Variants in TUT7 observed in about 807,000 individuals in gnomAD.
The protein encoded by TUT7 is terminal uridylyl transferase 7.
Under a neutral mutation model 165.9 loss-of-function variants are expected in TUT7, and 33 were observed. That is an observed-to-expected ratio of 0.20 (90% CI 0.15 to 0.27). The LOEUF is 0.27. Among genes scored for constraint, TUT7 ranks in the 10% least tolerant of loss-of-function variants. The probability of loss-of-function intolerance (pLI) is 1.00; values close to 1 mark genes in which losing one functional copy is unlikely to be tolerated. For synonymous variants in TUT7, 552 were observed against 608.1 expected (o/e 0.91, Z 1.36); for missense variants, 1,338 against 1,762.3 (o/e 0.76, Z 4.31).
At chr9:86,288,825 T>A in intron 26 of TUT7, 81 bp from the exon 27 acceptor site, 2 of 1,124,400 alleles carry the variant, frequency 1.8e-6, no homozygotes, top group African/African-American at 1.6e-5. Context: ...TTACTTCTTA[T>A]TAAGTAGTCA....
intron 10 of TUT7, among the ~76,000 whole-genome samples, chr9:86,334,694 G>A (rs2131525697): frequency 6.6e-6 from 1 of 152,262 alleles, no homozygotes; most frequent in Admixed American, 6.5e-5. Context: ...TGGTTCAGGA[G>A]TTGGGCAGAG....
At position 86,322,934 on chromosome 9, in the gene TUT7, G is replaced by A; in HGVS notation, c.2816C>T (p.Ser939Leu). The A allele has an allele frequency of 6.4e-7, 1 of 1,564,070 alleles. No homozygotes were observed. Among genetic ancestry groups the A allele is most frequent in the Non-Finnish European group, 8.6e-7 (1 of 1,158,230 alleles). ...AAAAAAATCAGACTGATCCACAGGT[G>A]AATTTTTTTCTTCACATACATTTTC... ...KEENVCEEKNSPVDQSDFFYE... is the reference protein window; with the variant it reads ...KEENVCEEKNLPVDQSDFFYE... The change falls in exon 13 of 27, where the codon TCA becomes TTA. Residue 939 changes from serine (S) to leucine (L), a missense_variant. Physicochemically the swap from Ser to Leu is moderately radical, Grantham distance 145. This residue lies in a region of TUT7 where 425 missense variants were observed against 474.9 expected (regional missense o/e 0.89). Transcript: ENST00000375963.
At chr9:86,341,539 A>C (rs535068918) in intron 6 of TUT7, among the ~76,000 whole-genome samples, 2 of 152,240 alleles carry the variant, frequency 1.3e-5, no homozygotes, top group South Asian at 4.1e-4. Flanking sequence ...CAAATTCTTT[A>C]TTTACCATGG....
intron 25 of TUT7, 30 bp from the exon 26 acceptor site, chr9:86,301,631 A>G: frequency 6.4e-7 from 1 of 1,573,046 alleles, no homozygotes. Context: ...AGTAGCAAAA[A>G]TCTAAACAGA....
rs147358116 is a variant in TUT7, at chr9:86,332,693, G to C, written c.1456-4201C>G. On this transcript the variant is annotated intron_variant, in intron 10 of 26. Transcript: ENST00000375963. ...AGCCTGCACATGTACCTTTGAACCT[G>C]AAAGTTAAAAATAAATAAATAAATT... Among the ~76,000 whole-genome samples the C allele has an allele frequency of 5.1e-3, 771 of 152,258 alleles. 7 individuals carry two copies. Among genetic ancestry groups the C allele is most frequent in the Non-Finnish European group, 5.7e-3 (389 of 68,012 alleles).
chr9:86,346,277 AAT>A lies in TUT7; in HGVS notation c.702+20_702+21del, dbSNP rs761548535. 11 of 1,596,490 alleles carry A rather than the reference AAT, an allele frequency of 6.9e-6. No individual in the cohort carries two copies. Among genetic ancestry groups the A allele is most frequent in the Admixed American group, 1.8e-5 (1 of 57,092 alleles). ...GCTAAAACCAGGATTCTAACCAACAAATATATATATAAGGATGTTACCCTTTT... is the reference window on the plus strand; with the variant it reads ...GCTAAAACCAGGATTCTAACCAACAAATATATATAAGGATGTTACCCTTTT... On this transcript the variant is annotated intron_variant, in intron 3 of 26. Coordinates refer to ENST00000375963, the MANE Select transcript of TUT7 (RefSeq NM_024617.4).
intron 10 of TUT7, among the ~76,000 whole-genome samples, chr9:86,334,926 AG>A (rs1266847448): frequency 6.6e-6 from 1 of 152,106 alleles, no homozygotes; most frequent in Non-Finnish European, 1.5e-5. Flanking sequence ...ATTTGCTCCA[AG>A]TTTTGACTCC....
In TUT7 at chr9:86,316,592, C is replaced by A. The variant is rs1331281458; in HGVS notation, c.3274+627G>T. 2.6e-5 allele frequency among the ~76,000 whole-genome samples: 4 copies of A among 152,336 alleles called. No homozygotes were observed. In the East Asian group the frequency reaches 7.7e-4, roughly 29 times the overall value. ...TACACTTTGACTTATACAACGCCAA[C>A]AAAGGAAAAGGATTTATAGCCTTTC... On this transcript the variant is annotated intron_variant, in intron 17 of 26. Transcript: ENST00000375963.
intron 26 of TUT7, among the ~76,000 whole-genome samples, chr9:86,289,957 G>A (rs2131246230): frequency 6.6e-6 from 1 of 152,140 alleles, no homozygotes; most frequent in African/African-American, 2.4e-5. Context: ...GGTATACACA[G>A]AAGGATAATA....
At chr9:86,309,376 C>T in intron 20 of TUT7, 87 bp from the exon 21 acceptor site, 1 of 1,441,932 alleles carries the variant, frequency 6.9e-7, no homozygotes, top group Non-Finnish European at 9.5e-7. Flanking sequence ...AAAAAATTAA[C>T]TACAGAACCA....
intron 26 of TUT7, chr9:86,298,738 C>G (rs762250464): frequency 2.1e-6 from 2 of 961,770 alleles, no homozygotes; most frequent in South Asian, 9.6e-5. Context: ...TAAAATAACA[C>G]ACATTTGTTT....
chr9:86,307,227 T>A (rs1219835786), intron 22 of TUT7, among the ~76,000 whole-genome samples: 1 of 151,888 alleles, frequency 6.6e-6, no homozygotes, highest in Non-Finnish European at 1.5e-5. Context: ...TGAGCCAAGA[T>A]TGCGCCATTG....
chr9:86,336,532 C>A lies in TUT7; in HGVS notation c.1455+887G>T, dbSNP rs952152919. On this transcript the variant is annotated intron_variant, in intron 10 of 26. Transcript: ENST00000375963. Reference sequence around the variant, plus strand: ...AGACAGAAGTCCCTGCTTAATCTCACCTTATTCAGTATAAGGAAAAAATTC... The same window carrying A: ...AGACAGAAGTCCCTGCTTAATCTCAACTTATTCAGTATAAGGAAAAAATTC... Among the ~76,000 whole-genome samples the A allele has an allele frequency of 2.0e-5, 3 of 152,268 alleles. No individual in the cohort carries two copies. The East Asian group carries it at 5.8e-4, about 29-fold the overall frequency.
chr9:86,306,200 G>A (rs1827459113), intron 22 of TUT7, among the ~76,000 whole-genome samples: 1 of 152,116 alleles, frequency 6.6e-6, no homozygotes, highest in Non-Finnish European at 1.5e-5. Flanking sequence ...TCCTCTTATT[G>A]AGAAAATGAA....
At chr9:86,304,555 G>A (rs1476859234) in intron 24 of TUT7, among the ~76,000 whole-genome samples, 1 of 152,050 alleles carries the variant, frequency 6.6e-6, no homozygotes, top group African/African-American at 2.4e-5. Context: ...CCGAATGCTG[G>A]CAGAACAGCA....
intron 5 of TUT7, among the ~76,000 whole-genome samples, chr9:86,344,336 T>G (rs1831573223): frequency 1.3e-5 from 2 of 152,148 alleles, no homozygotes; most frequent in South Asian, 4.1e-4. Flanking sequence ...TGGGGTTTGT[T>G]GCCATCAAGG....
chr9:86,326,012 C>T (rs1217007662), intron 11 of TUT7, among the ~76,000 whole-genome samples: 1 of 152,212 alleles, frequency 6.6e-6, no homozygotes, highest in African/African-American at 2.4e-5. Context: ...ATTTTAAAGT[C>T]AAATAACTCT....
chr9:86,352,820 C>A lies in TUT7; in HGVS notation c.380G>T (p.Arg127Leu), dbSNP rs764631192. 1.2e-6 allele frequency: 2 copies of A among 1,614,026 alleles called. No individual in the cohort carries two copies. The highest frequency in any genetic ancestry group is 3.3e-5 in the Admixed American group (2 of 59,998). ...KPGPRIPVIN[R>L]QRKDSFQENE... is the part of the protein sequence containing the mutation. ...TTCTTGAAAGGAGTCTTTTCTTTGT[C>A]GGTTTATAACAGGAATTCTAGGTCC... The change falls in exon 2 of 27, where the codon CGA (arginine) becomes CTA (leucine). Residue 127 changes from arginine to leucine, a missense_variant. Coordinates refer to ENST00000375963, the MANE Select transcript of TUT7 (RefSeq NM_024617.4).
chr9:86,290,031 C>A (rs1016691995), intron 26 of TUT7, among the ~76,000 whole-genome samples: 2 of 152,046 alleles, frequency 1.3e-5, no homozygotes, highest in Non-Finnish European at 2.9e-5. Context: ...ATATACCCCA[C>A]CAATCATGTA....
Sources: allele counts gnomAD v4.1 joint callset (sites outside exome capture counted in the v4.1 genomes callset), GRCh38; gene constraint gnomAD v4.1.1; regional missense constraint gnomAD v4.1.1; transcripts MANE v1.5; gene names NCBI Gene and HGNC (gene_info 2026-07-23, HGNC 2026-07-21).